The following VAPB variants were observed in gnomAD, a reference collection of about 807,000 sequenced individuals.
VAPB encodes the protein vesicle-associated membrane protein-associated protein B/C.
In VAPB, 7 loss-of-function variants were observed where a neutral mutation model predicts 25.6. The ratio of observed to expected loss-of-function variants is 0.27; its 90% confidence interval spans 0.16 to 0.51. The LOEUF is 0.51. Ranked by LOEUF, VAPB falls within the 20% of genes least tolerant of loss-of-function variation. VAPB has a pLI of 0.97. For missense variants in VAPB, 266 were observed against 301.3 expected, an observed-to-expected ratio of 0.88 and a Z score of 0.87; for synonymous variants, 112 against 109.2, an observed-to-expected ratio of 1.03 and a Z score of -0.16.
At chr20:58,418,117 A>G (rs1016699786) in intron 1 of VAPB, 94 bp from the exon 2 acceptor site, 5 of 1,554,298 alleles carry the variant, frequency 3.2e-6, no homozygotes, top group Non-Finnish European at 4.4e-6. Flanking sequence ...GTGGATCTCA[A>G]ATCTTCCCTT....
intron 1 of VAPB, among the ~76,000 whole-genome samples, chr20:58,412,940 A>G (rs1401194482): frequency 6.6e-6 from 1 of 152,112 alleles, no homozygotes; most frequent in Non-Finnish European, 1.5e-5. Flanking sequence ...TGACAAGTTT[A>G]TTCAGCCATT....
At position 58,448,857 on chromosome 20, in the gene VAPB, T is replaced by C. The variant is rs771736728; in HGVS notation, c.*4622T>C. Reference sequence around the variant, plus strand: ...GCTCCTGGAGAATGACTTTGGGGGCTTTAGAAAGAATATTGCCAGTCCGTC... The same window carrying C: ...GCTCCTGGAGAATGACTTTGGGGGCCTTAGAAAGAATATTGCCAGTCCGTC... On this transcript the variant is annotated 3_prime_UTR_variant, in exon 6 of 6. Transcript: ENST00000475243. 2.2e-6 allele frequency: 1 copy of C among 453,944 alleles called. No individual in the cohort carries two copies. Among genetic ancestry groups the C allele is most frequent in the Non-Finnish European group, 4.4e-6 (1 of 226,800 alleles). The allele number at this position is 453,944 out of a possible 1,614,324, so 28.1% of individuals were successfully genotyped here. A position where few individuals can be genotyped will look rare whatever the true frequency, so the allele number is the denominator to read the frequency against.
chr20:58,436,327 C>CTTTTTTTTTTTTT (rs57100987), intron 3 of VAPB, among the ~76,000 whole-genome samples: 2 of 114,966 alleles, frequency 1.7e-5, no homozygotes, highest in Non-Finnish European at 1.8e-5. Flanking sequence ...GTTTTTCTTC[C>CTTTTTTTTTTTTT]TTTTTTTTTT....
chr20:58,422,290 GT>G (rs1376797269), intron 2 of VAPB, among the ~76,000 whole-genome samples: 1 of 152,102 alleles, frequency 6.6e-6, no homozygotes, highest in Non-Finnish European at 1.5e-5. Flanking sequence ...GAATACTGTG[GT>G]TTTGGCCCGT....
Position 58,448,879 on chromosome 20 carries a change from C to T in VAPB, c.*4644C>T, listed in dbSNP as rs182752459. On this transcript the variant is annotated 3_prime_UTR_variant, in exon 6 of 6. Coordinates refer to ENST00000475243, the MANE Select transcript of VAPB (RefSeq NM_004738.5). Reference sequence around the variant, plus strand: ...GGCTTTAGAAAGAATATTGCCAGTCCGTCTCGGCAAGGAGATGATGGGAGC... The same window carrying T: ...GGCTTTAGAAAGAATATTGCCAGTCTGTCTCGGCAAGGAGATGATGGGAGC... The T allele has an allele frequency of 3.4e-4, 153 of 453,988 alleles. No homozygotes were observed. The highest frequency in any genetic ancestry group is 5.4e-4 in the Non-Finnish European group (123 of 226,784). The allele number at this position is 453,988 out of a possible 1,614,324, so 28.1% of individuals were successfully genotyped here.
At chr20:58,401,249 G>T (rs1212424617) in intron 1 of VAPB, among the ~76,000 whole-genome samples, 3 of 151,902 alleles carry the variant, frequency 2.0e-5, no homozygotes. Context: ...ATAGTGCTTG[G>T]CCATTAGTCA....
intron 1 of VAPB, among the ~76,000 whole-genome samples, chr20:58,401,661 C>T (rs981210193): frequency 6.6e-6 from 1 of 152,142 alleles, no homozygotes; most frequent in Non-Finnish European, 1.5e-5. Context: ...TTCTCCTTTC[C>T]CTGTTTCTCT....
intron 1 of VAPB, among the ~76,000 whole-genome samples, chr20:58,402,654 G>T (rs1018112723): frequency 2.6e-5 from 4 of 151,648 alleles, no homozygotes. Flanking sequence ...GTTTCTCAGG[G>T]AGTTCATGGT....
Position 58,389,518 on chromosome 20 carries a change from G to T in VAPB, c.58+1G>T. 1 of 1,585,684 alleles carries T rather than the reference G, an allele frequency of 6.3e-7. No homozygotes were observed. Among genetic ancestry groups the T allele is most frequent in the Non-Finnish European group, 8.6e-7 (1 of 1,167,122 alleles). On this transcript the variant is annotated splice_donor_variant, in intron 1 of 5. Transcript: ENST00000475243. LOFTEE classifies it high-confidence loss of function. ...CCGCAGCACGAGCTCAAATTCCGAG[G>T]TAAGCCCCAGAGGCCGCCACCTTCC...
chr20:58,449,244 A>G lies in VAPB; in HGVS notation c.*5009A>G, dbSNP rs1989375109. On this transcript the variant is annotated 3_prime_UTR_variant, in exon 6 of 6. Coordinates refer to ENST00000475243, the MANE Select transcript of VAPB (RefSeq NM_004738.5). ...GCACAAGCTCACCCACCCCTGTGCC[A>G]GGGGGCCCTGACCTCCCTCCATGCC... is the stretch of plus-strand genomic sequence containing the variant. The G allele has an allele frequency of 2.2e-6, 1 of 454,012 alleles. No homozygotes were observed. The highest frequency in any genetic ancestry group is 4.4e-6 in the Non-Finnish European group (1 of 226,794). 28.1% of individuals were successfully genotyped at this position (454,012 alleles called of 1,614,324 possible).
intron 2 of VAPB, among the ~76,000 whole-genome samples, chr20:58,434,295 A>G (rs1341139978): frequency 1.3e-5 from 2 of 152,168 alleles, no homozygotes; most frequent in African/African-American, 4.8e-5. Flanking sequence ...CAGTTTCCCA[A>G]TTCTGTAAGG....
chr20:58,439,839 TC>T (rs2123098141), intron 4 of VAPB: 1 of 152,274 alleles, frequency 6.6e-6, no homozygotes, highest in East Asian at 1.9e-4. Flanking sequence ...AATTTGGACT[TC>T]CCTTCAACCT....
At chr20:58,420,542 A>G (rs906356038) in intron 2 of VAPB, among the ~76,000 whole-genome samples, 5 of 152,168 alleles carry the variant, frequency 3.3e-5, no homozygotes, top group Admixed American at 2.6e-4. Flanking sequence ...TTTCTGTCAT[A>G]CTAAACTGCC....
chr20:58,408,712 A>G (rs182980597), intron 1 of VAPB, among the ~76,000 whole-genome samples: 1 of 152,310 alleles, frequency 6.6e-6, no homozygotes, highest in East Asian at 1.9e-4. Context: ...GTATATAAGC[A>G]GCACAAATTT....
At chr20:58,412,315 C>A (rs574322814) in intron 1 of VAPB, among the ~76,000 whole-genome samples, 9 of 152,212 alleles carry the variant, frequency 5.9e-5, no homozygotes, top group African/African-American at 1.9e-4. Context: ...CGTGGAGGCT[C>A]ACACCTCTAA....
rs976781482 is a variant in VAPB, at chr20:58,450,805, G to T, written c.*6570G>T. 1.1e-5 allele frequency: 5 copies of T among 453,950 alleles called. No individual in the cohort carries two copies. Among genetic ancestry groups the T allele is most frequent in the Non-Finnish European group, 1.8e-5 (4 of 226,800 alleles). The allele number at this position is 453,950 out of a possible 1,614,324, so 28.1% of individuals were successfully genotyped here. A position where few individuals can be genotyped will look rare whatever the true frequency, so the allele number is the denominator to read the frequency against. On this transcript the variant is annotated 3_prime_UTR_variant, in exon 6 of 6. Transcript: ENST00000475243. ...ATTTGTCCTTTATGTATTTTTCATTGTATTTGCTGTTTTGACATGGAAGTA... is the reference window on the plus strand; with the variant it reads ...ATTTGTCCTTTATGTATTTTTCATTTTATTTGCTGTTTTGACATGGAAGTA...
intron 1 of VAPB, among the ~76,000 whole-genome samples, chr20:58,409,306 A>G (rs184955231): frequency 3.3e-5 from 5 of 152,220 alleles, no homozygotes; most frequent in African/African-American, 1.2e-4. Context: ...CGCAGAAAGC[A>G]ATAGGATACT....
chr20:58,415,771 C>T (rs1988524807), intron 1 of VAPB, among the ~76,000 whole-genome samples: 1 of 152,088 alleles, frequency 6.6e-6, no homozygotes, highest in South Asian at 2.1e-4. Context: ...ATGAAAGTGA[C>T]TAGTAAAAGT....
intron 1 of VAPB, among the ~76,000 whole-genome samples, chr20:58,391,761 G>T (rs2123010805): frequency 6.6e-6 from 1 of 152,296 alleles, no homozygotes; most frequent in South Asian, 2.1e-4. Flanking sequence ...TCAAACTCCG[G>T]ACCTCAAGTG....
Sources: gnomAD v4.1 joint callset for allele counts (sites outside exome capture counted in the v4.1 genomes callset) on GRCh38, gnomAD v4.1.1 for gene constraint, MANE v1.5 for transcripts, NCBI Gene and HGNC (gene_info 2026-07-23, HGNC 2026-07-21) for gene names.